The following MAN2A1 variants were observed in gnomAD, a reference collection of about 807,000 sequenced individuals.
MAN2A1 encodes mannosidase alpha class 2A member 1.
A neutral mutation model predicts 142.6 loss-of-function variants in MAN2A1; 76 were observed. That is an observed-to-expected ratio of 0.53 (90% CI 0.44 to 0.65). The LOEUF is 0.65. Ranked by LOEUF, MAN2A1 falls within the 30% of genes least tolerant of loss-of-function variation. The probability of loss-of-function intolerance (pLI) is 0.00; values close to 1 mark genes in which losing one functional copy is unlikely to be tolerated. For missense variants in MAN2A1, 1,311 were observed against 1,365.1 expected (o/e 0.96, Z 0.62); for synonymous variants, 559 against 473.2 (o/e 1.18, Z -2.35).
At position 109,770,341 on chromosome 5, in the gene MAN2A1, G is replaced by A; in HGVS notation, c.1010-14G>A. 1 of 1,605,918 alleles carries A rather than the reference G, an allele frequency of 6.2e-7. No individual in the cohort carries two copies. The highest frequency in any genetic ancestry group is 8.5e-7 in the Non-Finnish European group (1 of 1,175,460). On this transcript the variant is annotated splice_polypyrimidine_tract_variant and intron_variant, in intron 6 of 21. Coordinates refer to ENST00000261483, the MANE Select transcript of MAN2A1 (RefSeq NM_002372.4). ...TTTATAAATGCAGGTTTGTGTGTTG[G>A]CTCTTTATTTTAGATCTGGGATCTG...
intron 12 of MAN2A1, among the ~76,000 whole-genome samples, chr5:109,816,318 G>A (rs1754457209): frequency 6.6e-6 from 1 of 152,192 alleles, no homozygotes; most frequent in South Asian, 2.1e-4. Flanking sequence ...TGGAAAAATT[G>A]TGTCCCAAAT....
chr5:109,735,299 A>G (rs918006815), intron 4 of MAN2A1, among the ~76,000 whole-genome samples: 2 of 152,162 alleles, frequency 1.3e-5, no homozygotes, highest in Admixed American at 6.5e-5. Flanking sequence ...TGAATACAGC[A>G]CACTGATGGG....
intron 12 of MAN2A1, among the ~76,000 whole-genome samples, chr5:109,791,730 G>A (rs1003656538): frequency 1.3e-5 from 2 of 151,908 alleles, no homozygotes; most frequent in Admixed American, 6.6e-5. Context: ...TACGTAACAG[G>A]TAAACAGTTT....
chr5:109,817,768 GCT>G (rs1754508605), intron 13 of MAN2A1, among the ~76,000 whole-genome samples: 2 of 152,158 alleles, frequency 1.3e-5, no homozygotes, highest in East Asian at 3.9e-4. Flanking sequence ...TGAATGTTTT[GCT>G]CTAAGTGAAT....
At chr5:109,786,371 C>CCA in intron 10 of MAN2A1, among the ~76,000 whole-genome samples, 1 of 152,072 alleles carries the variant, frequency 6.6e-6, no homozygotes, top group South Asian at 2.1e-4. Context: ...CCTACACCGC[C>CCA]CACTTGCTAT....
At chr5:109,750,025 G>C (rs903942057) in intron 4 of MAN2A1, among the ~76,000 whole-genome samples, 6 of 151,886 alleles carry the variant, frequency 4.0e-5, no homozygotes, top group Admixed American at 2.0e-4. Flanking sequence ...TAGCTTTTCT[G>C]TTATTGCTTG....
At chr5:109,748,504 C>T (rs1229258136) in intron 4 of MAN2A1, among the ~76,000 whole-genome samples, 1 of 151,492 alleles carries the variant, frequency 6.6e-6, no homozygotes, top group East Asian at 1.9e-4. Context: ...TTCCTGCGCT[C>T]ATGGTACTTA....
In MAN2A1 at chr5:109,713,702, A is replaced by G. The variant is rs377278645; in HGVS notation, c.318A>G (p.Gln106=). 6.2e-6 allele frequency: 10 copies of G among 1,614,018 alleles called. No homozygotes were observed. In the African/African-American group the frequency reaches 1.3e-4, roughly 22 times the overall value. ...CTGGCTCACATCTTCTGCCCTCACA[A>G]TTATCCCTCTCAGTTGACACTGCAG... The part of the protein sequence containing the change: ...QGAGSHLLPS[Q]LSLSVDTADC... Residue 106 remains glutamine (Q), a synonymous_variant, in exon 2 of 22, where the codon CAA becomes CAG. Coordinates refer to ENST00000261483, the MANE Select transcript of MAN2A1 (RefSeq NM_002372.4).
intron 19 of MAN2A1, 76 bp from the exon 20 acceptor site, chr5:109,855,064 C>T (rs1162011879): frequency 4.1e-5 from 26 of 641,814 alleles, no homozygotes; most frequent in South Asian, 3.1e-4. Flanking sequence ...TATATTAAAC[C>T]CTCTCAGATA....
chr5:109,740,653 T>C (rs888827195), intron 4 of MAN2A1, among the ~76,000 whole-genome samples: 5 of 152,182 alleles, frequency 3.3e-5, no homozygotes, highest in African/African-American at 1.2e-4. Flanking sequence ...CTGTGATTAG[T>C]ATCTGTCCCA....
chr5:109,828,970 A>G (rs772164519), intron 16 of MAN2A1, among the ~76,000 whole-genome samples: 2 of 152,218 alleles, frequency 1.3e-5, no homozygotes, highest in East Asian at 1.9e-4. Context: ...TGGCTTTTAG[A>G]GAATCAAAAT....
chr5:109,801,566 A>G (rs569905118), intron 12 of MAN2A1, among the ~76,000 whole-genome samples: 1 of 152,286 alleles, frequency 6.6e-6, no homozygotes, highest in East Asian at 1.9e-4. Context: ...TTGGGTAGGA[A>G]GGAGCAGCAT....
intron 19 of MAN2A1, among the ~76,000 whole-genome samples, chr5:109,850,528 A>G (rs1755457658): frequency 1.3e-5 from 2 of 152,220 alleles, no homozygotes; most frequent in Admixed American, 6.5e-5. Context: ...CTTGAGACTC[A>G]TATTTTAAAT....
chr5:109,775,448 TA>T (rs1753262832), intron 8 of MAN2A1, among the ~76,000 whole-genome samples: 1 of 150,856 alleles, frequency 6.6e-6, no homozygotes, highest in Non-Finnish European at 1.5e-5. Flanking sequence ...AGAAGACTTC[TA>T]AAATTAATCG....
intron 4 of MAN2A1, among the ~76,000 whole-genome samples, chr5:109,740,560 A>G (rs545213461): frequency 6.6e-6 from 1 of 152,200 alleles, no homozygotes; most frequent in East Asian, 1.9e-4. Context: ...CATTAAGGAG[A>G]CTGCCTCTGC....
Position 109,789,062 on chromosome 5 carries a change from T to C in MAN2A1, c.1875+14T>C, listed in dbSNP as rs370402527. The C allele has an allele frequency of 5.5e-6, 7 of 1,272,646 alleles. No individual in the cohort carries two copies. Among genetic ancestry groups the C allele is most frequent in the Non-Finnish European group, 2.3e-6 (2 of 886,532 alleles). 78.8% of individuals were successfully genotyped at this position (1,272,646 alleles called of 1,614,324 possible). On this transcript the variant is annotated intron_variant, in intron 11 of 21. Coordinates refer to ENST00000261483, the MANE Select transcript of MAN2A1 (RefSeq NM_002372.4). Reference sequence around the variant, plus strand: ...TTCCTGGAGATGGTTAGTAATTTCATCTATGGTCATCATAAAAATGTGTAA... The same window carrying C: ...TTCCTGGAGATGGTTAGTAATTTCACCTATGGTCATCATAAAAATGTGTAA...
intron 1 of MAN2A1, among the ~76,000 whole-genome samples, chr5:109,695,301 G>C (rs1750781849): frequency 6.6e-6 from 1 of 152,168 alleles, no homozygotes; most frequent in South Asian, 2.1e-4. Flanking sequence ...TTTTGTCAGG[G>C]AGATGTCACA....
intron 7 of MAN2A1, 47 bp downstream of exon 7, chr5:109,770,588 C>A: frequency 6.5e-7 from 1 of 1,536,360 alleles, no homozygotes; most frequent in South Asian, 1.2e-5. Flanking sequence ...ATAAAGTAGC[C>A]ACTTAGCTGC....
At chr5:109,716,794 G>GT (rs893528058) in intron 3 of MAN2A1, among the ~76,000 whole-genome samples, 6 of 152,138 alleles carry the variant, frequency 3.9e-5, no homozygotes, top group Non-Finnish European at 5.9e-5. Flanking sequence ...CTGAGACCAA[G>GT]TTTTTTCCCT....
Sources: allele counts gnomAD v4.1 joint callset (sites outside exome capture counted in the v4.1 genomes callset), GRCh38; gene constraint gnomAD v4.1.1; transcripts MANE v1.5; gene names NCBI Gene and HGNC (gene_info 2026-07-23, HGNC 2026-07-21).